The following ATG10 variants were observed in gnomAD, a reference collection of about 807,000 sequenced individuals.
ATG10 encodes the protein ubiquitin-like-conjugating enzyme ATG10.
In ATG10, 30 loss-of-function variants were observed where a neutral mutation model predicts 32.1. The observed-to-expected ratio is 0.94, with a 90% CI of 0.70 to 1.27. ATG10 has a LOEUF of 1.27. Among genes scored for constraint, ATG10 ranks in the 50% most tolerant of loss-of-function variants. ATG10 has a pLI of 0.00. For synonymous variants in ATG10, 87 were observed against 91.5 expected (o/e 0.95, Z 0.28); for missense variants, 233 against 262.3 (o/e 0.89, Z 0.77).
chr5:82,213,283 A>G (rs1745560594), intron 5 of ATG10, among the ~76,000 whole-genome samples: 1 of 152,188 alleles, frequency 6.6e-6, no homozygotes, highest in African/African-American at 2.4e-5. Flanking sequence ...CATATTCCAG[A>G]CTAAGAGTTG....
In ATG10 at chr5:82,238,880, C is replaced by T. The variant is rs375825514; in HGVS notation, c.454-13682C>T. ...ACCTTAGGGGGATACAGTGGTGTGG[C>T]AAGGAGTAGGCAAACTCACAGAATT... On this transcript the variant is annotated intron_variant, in intron 5 of 7. Transcript: ENST00000282185. Among the ~76,000 whole-genome samples, 66 of 152,154 alleles carry T rather than the reference C, an allele frequency of 4.3e-4. No homozygotes were observed. The South Asian group carries it at 5.4e-3, about 12-fold the overall frequency.
intron 3 of ATG10, among the ~76,000 whole-genome samples, chr5:82,140,160 T>C (rs1177071651): frequency 2.3e-5 from 2 of 87,406 alleles, no homozygotes; most frequent in African/African-American, 4.6e-5. Context: ...GGAGCCCCTC[T>C]GCCCGGCCAG....
chr5:82,127,558 G>C (rs1316176986), intron 3 of ATG10, among the ~76,000 whole-genome samples: 1 of 152,138 alleles, frequency 6.6e-6, no homozygotes, highest in Non-Finnish European at 1.5e-5. Flanking sequence ...GGTCATTCAG[G>C]AGCAGGTTGT....
intron 3 of ATG10, among the ~76,000 whole-genome samples, chr5:82,097,853 G>T (rs1301341307): frequency 6.6e-6 from 1 of 152,160 alleles, no homozygotes; most frequent in Non-Finnish European, 1.5e-5. Context: ...TGCTTCAGAG[G>T]GATCTGGAAT....
At chr5:81,982,632 A>G (rs1009513186) in intron 1 of ATG10, among the ~76,000 whole-genome samples, 3 of 151,686 alleles carry the variant, frequency 2.0e-5, no homozygotes, top group Non-Finnish European at 4.4e-5. Flanking sequence ...GCAGGGTCAT[A>G]GGACAATAGT....
intron 3 of ATG10, chr5:82,147,701 T>G (rs73136782): frequency 0.19 from 29,501 of 152,110 alleles, 3,234 homozygotes; most frequent in Middle Eastern, 0.28. Flanking sequence ...ACATAGAATC[T>G]GGGGTTGTCC....
intron 2 of ATG10, among the ~76,000 whole-genome samples, chr5:82,049,060 A>G (rs1340088537): frequency 6.6e-6 from 1 of 151,500 alleles, no homozygotes; most frequent in East Asian, 1.9e-4. Flanking sequence ...ATATACCCAA[A>G]GGACTATAAA....
chr5:82,142,394 C>T (rs1767187213), intron 3 of ATG10, among the ~76,000 whole-genome samples: 2 of 152,092 alleles, frequency 1.3e-5, no homozygotes, highest in South Asian at 4.2e-4. Flanking sequence ...GATGAGTAGG[C>T]ATTTTCTAGG....
intron 4 of ATG10, among the ~76,000 whole-genome samples, chr5:82,165,499 T>A (rs1295818861): frequency 6.6e-6 from 1 of 152,218 alleles, no homozygotes; most frequent in East Asian, 1.9e-4. Flanking sequence ...TAACAAGCAC[T>A]TAGGATTTAA....
At chr5:82,027,398 CA>C (rs56832040) in intron 2 of ATG10, among the ~76,000 whole-genome samples, 1 of 150,056 alleles carries the variant, frequency 6.7e-6, no homozygotes. Flanking sequence ...GACCCTGTCT[CA>C]AAAAAAAGAG....
intron 3 of ATG10, among the ~76,000 whole-genome samples, chr5:82,151,018 G>T (rs1228904758): frequency 1.3e-5 from 2 of 152,138 alleles, no homozygotes; most frequent in Admixed American, 1.3e-4. Flanking sequence ...AGATGCCAAG[G>T]ATCAATTTTG....
chr5:82,184,055 C>A (rs1581779823), intron 5 of ATG10, among the ~76,000 whole-genome samples: 1 of 152,232 alleles, frequency 6.6e-6, no homozygotes, highest in Non-Finnish European at 1.5e-5. Context: ...TGTGCAATTC[C>A]TGCCCAGACT....
chr5:82,096,071 A>T (rs528314481), intron 3 of ATG10, among the ~76,000 whole-genome samples: 2 of 152,300 alleles, frequency 1.3e-5, no homozygotes, highest in East Asian at 3.9e-4. Context: ...AGCATTTATT[A>T]CCAAATACAT....
chr5:82,032,212 T>A (rs989959573), intron 2 of ATG10, among the ~76,000 whole-genome samples: 1 of 152,236 alleles, frequency 6.6e-6, no homozygotes, highest in Non-Finnish European at 1.5e-5. Context: ...GTGATAGATA[T>A]GGTTTTTGAT....
At chr5:82,160,867 T>C (rs1743302782) in intron 3 of ATG10, among the ~76,000 whole-genome samples, 1 of 152,208 alleles carries the variant, frequency 6.6e-6, no homozygotes, top group South Asian at 2.1e-4. Context: ...TGGTGTGAGA[T>C]TGCTGGTAAA....
intron 3 of ATG10, among the ~76,000 whole-genome samples, chr5:82,082,364 G>A (rs1043463130): frequency 3.9e-5 from 6 of 152,146 alleles, no homozygotes; most frequent in Admixed American, 2.0e-4. Flanking sequence ...GAGTAATTCA[G>A]AAATACCTAA....
At chr5:82,047,243 AG>A (rs1763260862) in intron 2 of ATG10, among the ~76,000 whole-genome samples, 1 of 152,190 alleles carries the variant, frequency 6.6e-6, no homozygotes, top group Non-Finnish European at 1.5e-5. Flanking sequence ...TTTAATAAAA[AG>A]TATGAGGGCA....
chr5:82,157,023 A>C (rs757196994), intron 3 of ATG10, among the ~76,000 whole-genome samples: 7 of 152,184 alleles, frequency 4.6e-5, no homozygotes, highest in Non-Finnish European at 1.0e-4. Context: ...CAGTGGAGCC[A>C]GCTGTAAACA....
intron 5 of ATG10, among the ~76,000 whole-genome samples, chr5:82,238,471 A>G (rs1746655329): frequency 6.6e-6 from 1 of 152,122 alleles, no homozygotes. Context: ...TAGAGGTGCA[A>G]TTCAAGACTT....
Sources: allele counts gnomAD v4.1 joint callset (sites outside exome capture counted in the v4.1 genomes callset), GRCh38; gene constraint gnomAD v4.1.1; transcripts MANE v1.5; gene names NCBI Gene and HGNC (gene_info 2026-07-23, HGNC 2026-07-21).